Variants in TRMT44 observed in about 807,000 individuals in gnomAD.
TRMT44 encodes the protein tRNA methyltransferase 44 homolog.
A neutral mutation model predicts 77.3 loss-of-function variants in TRMT44; 78 were observed. The observed-to-expected ratio is 1.01, with a 90% CI of 0.84 to 1.22. The LOEUF is 1.22. TRMT44 is among the 50% of genes most tolerant of loss of function. The probability of loss-of-function intolerance (pLI) is 0.00; values close to 1 mark genes in which losing one functional copy is unlikely to be tolerated. For missense variants in TRMT44, 1,090 were observed against 964.4 expected, an observed-to-expected ratio of 1.13 and a Z score of -1.73; for synonymous variants, 391 against 383.3, an observed-to-expected ratio of 1.02 and a Z score of -0.23.
In TRMT44 at chr4:8,451,698, C is replaced by T. The variant is rs1163424388; in HGVS notation, c.955-262C>T. The stretch of plus-strand genomic sequence containing the variant: ...TAGCTAAGTGTTTCCTCTGTGTCCA[C>T]TGCCTCAGCTAAATGCCTTAGGTAC... On this transcript the variant is annotated intron_variant, in intron 3 of 10. Coordinates refer to ENST00000389737, the MANE Select transcript of TRMT44 (RefSeq NM_152544.3). This position sits in a 1 kb window ranked among gnomAD's most constrained non-coding sequence, Gnocchi z 4.1. Among the ~76,000 whole-genome samples the T allele has an allele frequency of 6.6e-6, 1 of 152,224 alleles. No individual in the cohort carries two copies. The highest frequency in any genetic ancestry group is 1.5e-5 in the Non-Finnish European group (1 of 68,048).
chr4:8,471,304 G>C (rs1726979426), intron 10 of TRMT44, 104 bp downstream of exon 10: 2 of 822,796 alleles, frequency 2.4e-6, no homozygotes, highest in Non-Finnish European at 3.7e-6. Context: ...TGAAGAATCT[G>C]ACAGAAGCAG....
At chr4:8,466,541 C>T (rs1222838034) in intron 8 of TRMT44, among the ~76,000 whole-genome samples, 4 of 152,238 alleles carry the variant, frequency 2.6e-5, no homozygotes, top group African/African-American at 9.6e-5. Context: ...CACTGCCCTG[C>T]TACCGTGGGA....
intron 3 of TRMT44, among the ~76,000 whole-genome samples, chr4:8,450,592 TA>T (rs776919978): frequency 6.6e-6 from 1 of 152,188 alleles, no homozygotes; most frequent in Non-Finnish European, 1.5e-5. Context: ...ATCTAAGATG[TA>T]AAAACAGTAT....
chr4:8,462,921 A>G (rs994422884), intron 6 of TRMT44, among the ~76,000 whole-genome samples: 1 of 152,240 alleles, frequency 6.6e-6, no homozygotes, highest in Non-Finnish European at 1.5e-5. Flanking sequence ...CAAAGGTTTG[A>G]TATTTCTGTA....
intron 2 of TRMT44, among the ~76,000 whole-genome samples, chr4:8,489,154 C>G (rs1373637209): frequency 6.6e-6 from 1 of 152,222 alleles, no homozygotes; most frequent in East Asian, 1.9e-4. Flanking sequence ...CCTGCAGTGC[C>G]CTGGCCCCAT....
chr4:8,471,061 A>T (rs1288869121), intron 9 of TRMT44, 23 bp from the exon 10 acceptor site: 1 of 1,558,024 alleles, frequency 6.4e-7, no homozygotes, highest in South Asian at 1.2e-5. Context: ...TTTTGGGGAA[A>T]AAAAAAACCC....
At chr4:8,497,496 T>A (rs1728182247), downstream of TRMT44, among the ~76,000 whole-genome samples, 1 of 152,040 alleles carries the variant, frequency 6.6e-6, no homozygotes, top group Non-Finnish European at 1.5e-5. Flanking sequence ...ATACAAAAAA[T>A]TAGCTGGGTG....
At chr4:8,511,344 G>A in the TRMT44 span, among the ~76,000 whole-genome samples, 2 of 152,174 alleles carry the variant, frequency 1.3e-5, no homozygotes, top group African/African-American at 2.4e-5. Context: ...GTGGTGGTCT[G>A]CACTTGCAGT....
At position 8,465,336 on chromosome 4, in the gene TRMT44, G is replaced by T. The variant is rs748661771; in HGVS notation, c.1311-42G>T. ...GTTCCGAATTTCCTTGACTGCGTCTGCTCAGGATGCTTGACCCTGTGGTTG... is the reference window on the plus strand; with the variant it reads ...GTTCCGAATTTCCTTGACTGCGTCTTCTCAGGATGCTTGACCCTGTGGTTG... On this transcript the variant is annotated intron_variant, in intron 7 of 10. Transcript: ENST00000389737. 4 of 1,570,312 alleles carry T rather than the reference G, an allele frequency of 2.5e-6. 1 individual carries two copies. In the South Asian group the frequency reaches 4.7e-5, roughly 19 times the overall value.
intron 2 of TRMT44, among the ~76,000 whole-genome samples, chr4:8,488,077 G>A (rs1727872513): frequency 6.6e-6 from 1 of 152,206 alleles, no homozygotes; most frequent in South Asian, 2.1e-4. Flanking sequence ...GTGATAGTGA[G>A]GGAGGTTGGA....
At chr4:8,470,880 T>C (rs1313643561) in intron 9 of TRMT44, 3 of 502,418 alleles carry the variant, frequency 6.0e-6, no homozygotes, top group Non-Finnish European at 1.1e-5. Context: ...TGTCAGGCTG[T>C]GCCACCTTAG....
chr4:8,490,016 T>C (rs1236661114), intron 2 of TRMT44, among the ~76,000 whole-genome samples: 1 of 152,192 alleles, frequency 6.6e-6, no homozygotes, highest in African/African-American at 2.4e-5. Flanking sequence ...ATTTTTTGCA[T>C]GTCTGACACC....
At chr4:8,460,750 T>G (rs1726100474) in intron 6 of TRMT44, among the ~76,000 whole-genome samples, 1 of 152,166 alleles carries the variant, frequency 6.6e-6, no homozygotes, top group South Asian at 2.1e-4. Context: ...GACGGGGTTT[T>G]GCCATGTTGG....
At chr4:8,445,634 C>T (rs997470857) in intron 1 of TRMT44, among the ~76,000 whole-genome samples, 1 of 152,222 alleles carries the variant, frequency 6.6e-6, no homozygotes, top group Non-Finnish European at 1.5e-5. Flanking sequence ...GAGGACTTCC[C>T]TGGCCACCCT....
chr4:8,507,716 G>A, the TRMT44 span, among the ~76,000 whole-genome samples: 2 of 152,176 alleles, frequency 1.3e-5, no homozygotes, highest in South Asian at 2.1e-4. Flanking sequence ...CAGGGCTGTC[G>A]CTCCATGTAC....
rs898332954 is a variant in TRMT44 at position 8,476,107 on chromosome 4, C to T, written c.*106C>T. The T allele has an allele frequency of 1.6e-5, 16 of 1,003,696 alleles. No homozygotes were observed. In the Admixed American group the frequency reaches 3.4e-4, roughly 21 times the overall value. 62.2% of individuals were successfully genotyped at this position (1,003,696 alleles called of 1,614,324 possible). A position where few individuals can be genotyped will look rare whatever the true frequency, so the allele number is the denominator to read the frequency against. On this transcript the variant is annotated 3_prime_UTR_variant, in exon 11 of 11. Coordinates refer to ENST00000389737, the MANE Select transcript of TRMT44 (RefSeq NM_152544.3). ...TCTGCTCTGGCTGTGTTTCAGCCCA[C>T]CTCCTCCCAGCTTTCTCCACATCCT...
intron 9 of TRMT44, chr4:8,470,883 C>A: frequency 2.0e-6 from 1 of 506,480 alleles, no homozygotes; most frequent in Non-Finnish European, 3.6e-6. Flanking sequence ...CAGGCTGTGC[C>A]ACCTTAGCTG....
intron 2 of TRMT44, among the ~76,000 whole-genome samples, chr4:8,487,743 G>A (rs1001467827): frequency 3.9e-5 from 6 of 152,054 alleles, no homozygotes; most frequent in African/African-American, 7.2e-5. Context: ...AAGCAAAAAA[G>A]GGGTAGAGAC....
chr4:8,507,436 G>C, the TRMT44 span: 2 of 152,834 alleles, frequency 1.3e-5, no homozygotes, highest in African/African-American at 4.8e-5. Flanking sequence ...GGAAGGCTGC[G>C]TGCGGGAAGC....
Sources: gnomAD v4.1 joint callset for allele counts (sites outside exome capture counted in the v4.1 genomes callset) on GRCh38, gnomAD v4.1.1 for gene constraint, Gnocchi (gnomAD v3.1) non-coding constraint, MANE v1.5 for transcripts, NCBI Gene and HGNC (gene_info 2026-07-23, HGNC 2026-07-21) for gene names.